The following PDE1A variants were observed in gnomAD, a reference collection of about 807,000 sequenced individuals.
The protein encoded by PDE1A is phosphodiesterase 1A.
Under a neutral mutation model 61.7 loss-of-function variants are expected in PDE1A, and 35 were observed. The ratio of observed to expected loss-of-function variants is 0.57; its 90% confidence interval spans 0.43 to 0.75. PDE1A has a LOEUF of 0.75. PDE1A is among the 30% of genes least tolerant of loss of function. PDE1A has a pLI of 0.00. For missense variants in PDE1A, 597 were observed against 630.6 expected, an observed-to-expected ratio of 0.95 and a Z score of 0.57; for synonymous variants, 232 against 213.2, an observed-to-expected ratio of 1.09 and a Z score of -0.77.
chr2:182,561,276 G>C, the PDE1A span, among the ~76,000 whole-genome samples: 3,988 of 152,070 alleles, frequency 0.026, 185 homozygotes, highest in African/African-American at 0.091. Flanking sequence ...CCACATATGG[G>C]TAGCCAGTCT....
the PDE1A span, among the ~76,000 whole-genome samples, chr2:182,635,698 C>CTCTCTA: frequency 0.016 from 2,303 of 147,362 alleles, 46 homozygotes; most frequent in African/African-American, 0.042. Context: ...CTCTCTCTCT[C>CTCTCTA]TCCACATATG....
chr2:182,498,531 A>G (rs1194150268), intron 2 of PDE1A, among the ~76,000 whole-genome samples: 1 of 152,144 alleles, frequency 6.6e-6, no homozygotes, highest in African/African-American at 2.4e-5. Context: ...AGAAAAAAAA[A>G]TAAGAAAAAA....
chr2:182,496,692 T>C (rs1386750155), intron 2 of PDE1A, among the ~76,000 whole-genome samples: 1 of 152,256 alleles, frequency 6.6e-6, no homozygotes, highest in Non-Finnish European at 1.5e-5. Flanking sequence ...ACAATTGTAT[T>C]GGCTGGACTT....
chr2:182,626,772 C>CAT, the PDE1A span, among the ~76,000 whole-genome samples: 1 of 2,404 alleles, frequency 4.2e-4, no homozygotes, highest in African/African-American at 9.2e-4. Context: ...CATATATATA[C>CAT]ATATATATAC....
chr2:182,562,996 C>G, the PDE1A span, among the ~76,000 whole-genome samples: 1 of 152,100 alleles, frequency 6.6e-6, no homozygotes, highest in Non-Finnish European at 1.5e-5. Context: ...TTGATCCTTT[C>G]GAAAAACCAC....
At chr2:182,167,602 C>A (rs985422371), downstream of PDE1A, among the ~76,000 whole-genome samples, 2 of 152,094 alleles carry the variant, frequency 1.3e-5, no homozygotes, top group African/African-American at 2.4e-5. Context: ...AACCCAACTA[C>A]CCTTTCCCTC....
chr2:182,305,659 A>AAT (rs1695532923), intron 1 of PDE1A, among the ~76,000 whole-genome samples: 3 of 152,068 alleles, frequency 2.0e-5, no homozygotes, highest in African/African-American at 7.2e-5. Context: ...TAAGCATTAG[A>AAT]ATTTCAAAAT....
chr2:182,198,804 C>T (rs1168805292), intron 10 of PDE1A, among the ~76,000 whole-genome samples: 1 of 151,750 alleles, frequency 6.6e-6, no homozygotes. Flanking sequence ...AAGTCTTTGT[C>T]AGGTAATGTC....
chr2:182,187,859 C>T (rs1261353439), intron 11 of PDE1A, among the ~76,000 whole-genome samples: 2 of 150,232 alleles, frequency 1.3e-5, no homozygotes, highest in Admixed American at 1.3e-4. Flanking sequence ...ATTCTCATGC[C>T]TCGGCCTCCC....
At chr2:182,265,632 T>G (rs1692580247) in intron 1 of PDE1A, among the ~76,000 whole-genome samples, 1 of 152,166 alleles carries the variant, frequency 6.6e-6, no homozygotes. Context: ...GAGATAATTG[T>G]TATATAGCAA....
intron 2 of PDE1A, among the ~76,000 whole-genome samples, chr2:182,453,339 TG>T (rs1168471390): frequency 6.6e-6 from 1 of 151,898 alleles, no homozygotes; most frequent in Non-Finnish European, 1.5e-5. Context: ...TTCTCAGTCC[TG>T]GAAAAAGTCA....
chr2:182,256,038 C>CTTTTTTTTTTTTTTTTTTTCTTTTTTT (rs1691762728), intron 2 of PDE1A, among the ~76,000 whole-genome samples: 9 of 92,332 alleles, frequency 9.7e-5, no homozygotes, highest in African/African-American at 1.7e-4. Context: ...AGGATGACTT[C>CTTTTTTTTTTTTTTTTTTTCTTTTTTT]TTTTTTTTTT....
chr2:182,498,588 G>A (rs1688868741), intron 2 of PDE1A, among the ~76,000 whole-genome samples: 1 of 151,920 alleles, frequency 6.6e-6, no homozygotes, highest in Non-Finnish European at 1.5e-5. Flanking sequence ...TGAAAGGCAT[G>A]TATTTCCAGA....
At chr2:182,691,781 T>A in the PDE1A span, among the ~76,000 whole-genome samples, 1 of 151,834 alleles carries the variant, frequency 6.6e-6, no homozygotes, top group South Asian at 2.1e-4. Flanking sequence ...AAACTACTCA[T>A]GTGACAAAGG....
intron 2 of PDE1A, among the ~76,000 whole-genome samples, chr2:182,444,124 T>A (rs1026119106): frequency 6.6e-6 from 1 of 152,200 alleles, no homozygotes; most frequent in Non-Finnish European, 1.5e-5. Flanking sequence ...AATAGACACA[T>A]GGTCCCAGCT....
chr2:182,347,861 T>C (rs1002113773), intron 1 of PDE1A, among the ~76,000 whole-genome samples: 1 of 151,962 alleles, frequency 6.6e-6, no homozygotes, highest in African/African-American at 2.4e-5. Flanking sequence ...AGGAGGAGCA[T>C]AAAAACTGAA....
intron 1 of PDE1A, among the ~76,000 whole-genome samples, chr2:182,379,748 G>A (rs1301398428): frequency 1.3e-5 from 2 of 152,076 alleles, no homozygotes; most frequent in Admixed American, 6.6e-5. Context: ...CTTTCCAAAA[G>A]TGGGTATTTT....
At chr2:182,426,411 T>A (rs1041161525) in intron 1 of PDE1A, among the ~76,000 whole-genome samples, 167 bp downstream of exon 1, 1 of 152,192 alleles carries the variant, frequency 6.6e-6, no homozygotes, top group African/African-American at 2.4e-5. Flanking sequence ...GCACAAAGTT[T>A]CAGAAAACAG....
Position 182,223,837 on chromosome 2 carries a change from T to A in PDE1A, c.776+27A>T. ...AAAATAAATTTCAAATTTTAACTAATGAAAGTTAATACTTTTTCAGACTTA... is the reference window on the plus strand; with the variant it reads ...AAAATAAATTTCAAATTTTAACTAAAGAAAGTTAATACTTTTTCAGACTTA... On this transcript the variant is annotated intron_variant, in intron 7 of 13. Transcript: ENST00000351439. 5 of 1,303,870 alleles carry A rather than the reference T, an allele frequency of 3.8e-6. No homozygotes were observed. The South Asian group carries it at 5.5e-5, about 14-fold the overall frequency. 80.8% of individuals were successfully genotyped at this position (1,303,870 alleles called of 1,614,324 possible).
Sources: allele counts gnomAD v4.1 joint callset (sites outside exome capture counted in the v4.1 genomes callset), GRCh38; gene constraint gnomAD v4.1.1; transcripts MANE v1.5; gene names NCBI Gene and HGNC (gene_info 2026-07-23, HGNC 2026-07-21).